The following NUMB variants were observed in gnomAD, a reference collection of about 807,000 sequenced individuals.
NUMB encodes the protein NUMB endocytic adaptor protein.
A neutral mutation model predicts 59.7 loss-of-function variants in NUMB; 29 were observed. The observed-to-expected ratio is 0.49, with a 90% CI of 0.36 to 0.66. The LOEUF (loss-of-function observed/expected upper bound fraction) is 0.66. Ranked by LOEUF, NUMB falls within the 30% of genes least tolerant of loss-of-function variation. NUMB has a pLI of 0.00. For synonymous variants in NUMB, 288 were observed against 288.2 expected, an observed-to-expected ratio of 1.00 and a Z score of 0.01; for missense variants, 723 against 822.0, an observed-to-expected ratio of 0.88 and a Z score of 1.47.
intron 3 of NUMB, among the ~76,000 whole-genome samples, chr14:73,364,272 T>G (rs1894229363): frequency 6.6e-6 from 1 of 151,936 alleles, no homozygotes; most frequent in Admixed American, 6.6e-5. Context: ...GGCGGATAAC[T>G]TGAGGCGGAT....
chr14:73,391,683 C>G (rs1009368143), intron 2 of NUMB, among the ~76,000 whole-genome samples: 13 of 152,038 alleles, frequency 8.6e-5, no homozygotes, highest in Non-Finnish European at 1.8e-4. Context: ...GGATGAGGCC[C>G]CAGCATTTGC....
intron 2 of NUMB, among the ~76,000 whole-genome samples, chr14:73,387,038 GC>G (rs1372131450): frequency 3.2e-4 from 48 of 150,796 alleles, no homozygotes; most frequent in African/African-American, 1.0e-3. Context: ...CCGCCACTAC[GC>G]CCGGCTAATT....
chr14:73,391,732 T>C (rs996181115), intron 2 of NUMB, among the ~76,000 whole-genome samples: 3 of 152,224 alleles, frequency 2.0e-5, no homozygotes, highest in Admixed American at 6.5e-5. Context: ...ATTTGAGAAC[T>C]ATTTATATAG....
chr14:73,350,173 CT>C (rs552677993), intron 4 of NUMB, among the ~76,000 whole-genome samples: 182 of 121,722 alleles, frequency 1.5e-3, no homozygotes, highest in Non-Finnish European at 1.7e-3. Flanking sequence ...AACTAGGTGT[CT>C]TTTTTTTTTT....
chr14:73,315,278 A>G (rs1195070641), intron 6 of NUMB, among the ~76,000 whole-genome samples: 1 of 152,192 alleles, frequency 6.6e-6, no homozygotes, highest in African/African-American at 2.4e-5. Context: ...AAATTGTAGG[A>G]TTTTGTTAAT....
At chr14:73,368,044 T>TA (rs144972247) in intron 2 of NUMB, among the ~76,000 whole-genome samples, 6,705 of 146,294 alleles carry the variant, frequency 0.046, 173 homozygotes, top group Non-Finnish European at 0.066. Context: ...GCAAAGTGTT[T>TA]AAAAAAAAAA....
chr14:73,290,829 T>C (rs1377554679), intron 8 of NUMB, among the ~76,000 whole-genome samples: 1 of 152,150 alleles, frequency 6.6e-6, no homozygotes, highest in African/African-American at 2.4e-5. Flanking sequence ...CTCCAATGAG[T>C]ATTTCTGTTG....
Position 73,308,146 on chromosome 14 carries a change from A to C in NUMB, c.234+8244T>G, listed in dbSNP as rs536148535. Among the ~76,000 whole-genome samples, 4 of 152,312 alleles carry C rather than the reference A, an allele frequency of 2.6e-5. No homozygotes were observed. In the South Asian group the frequency reaches 8.3e-4, roughly 32 times the overall value. ...TAGTAGGATGCTACTGCAATGGTTCAGATAAGAGGAGATGCTGGCTTGGAC... is the reference window on the plus strand; with the variant it reads ...TAGTAGGATGCTACTGCAATGGTTCCGATAAGAGGAGATGCTGGCTTGGAC... On this transcript the variant is annotated intron_variant, in intron 6 of 12. Coordinates refer to ENST00000555238, the MANE Select transcript of NUMB (RefSeq NM_001005743.2).
At chr14:73,341,937 T>C (rs186240404) in intron 4 of NUMB, among the ~76,000 whole-genome samples, 1 of 152,066 alleles carries the variant, frequency 6.6e-6, no homozygotes, top group Non-Finnish European at 1.5e-5. Context: ...CCTTACAACA[T>C]CATGTAACAG....
In NUMB at chr14:73,320,125, C is replaced by T. The variant is rs1484663770; in HGVS notation, c.201+3005G>A. On this transcript the variant is annotated intron_variant, in intron 5 of 12. Transcript: ENST00000555238. The stretch of plus-strand genomic sequence containing the variant: ...CCAACCTGGGTGACAGAGCAAGACT[C>T]CGACTCGGCGGGGGGGCAAAAAAAG... Among the ~76,000 whole-genome samples the T allele has an allele frequency of 2.1e-5, 3 of 146,090 alleles. No individual in the cohort carries two copies. In the South Asian group the frequency reaches 6.6e-4, roughly 32 times the overall value.
intron 12 of NUMB, among the ~76,000 whole-genome samples, chr14:73,278,633 A>T (rs573468804): frequency 1.8e-3 from 2 of 1,108 alleles, no homozygotes; most frequent in South Asian, 0.025. Context: ...TAGGCCTCCT[A>T]TTGTAGGAGC....
chr14:73,397,827 T>C (rs931729188), intron 2 of NUMB, among the ~76,000 whole-genome samples: 15 of 152,136 alleles, frequency 9.9e-5, no homozygotes, highest in Admixed American at 9.2e-4. Context: ...AGTTGGAAGT[T>C]TTGCACCCCC....
At chr14:73,392,723 T>G (rs979152940) in intron 2 of NUMB, among the ~76,000 whole-genome samples, 1 of 152,214 alleles carries the variant, frequency 6.6e-6, no homozygotes, top group Non-Finnish European at 1.5e-5. Flanking sequence ...CATTCACTGA[T>G]TCTCTATTAT....
chr14:73,305,303 C>T (rs1890368080), intron 6 of NUMB, among the ~76,000 whole-genome samples: 1 of 152,078 alleles, frequency 6.6e-6, no homozygotes, highest in Admixed American at 6.6e-5. Context: ...ACATCTGATA[C>T]AATCACAATC....
intron 6 of NUMB, among the ~76,000 whole-genome samples, chr14:73,303,452 C>T (rs1477174466): frequency 2.0e-5 from 3 of 151,978 alleles, no homozygotes; most frequent in Admixed American, 1.3e-4. Context: ...TGGTGACATG[C>T]GCCTGTAGTC....
chr14:73,347,905 C>G (rs1405188198), intron 4 of NUMB, among the ~76,000 whole-genome samples: 1 of 152,210 alleles, frequency 6.6e-6, no homozygotes, highest in Admixed American at 6.5e-5. Flanking sequence ...GATTTGGCAT[C>G]TGTAAATTTA....
At chr14:73,339,205 C>CATTTCATTTCAGAT (rs1478648072) in intron 4 of NUMB, among the ~76,000 whole-genome samples, 1 of 152,140 alleles carries the variant, frequency 6.6e-6, no homozygotes, top group Non-Finnish European at 1.5e-5. Flanking sequence ...ACTATGTATG[C>CATTTCATTTCAGAT]ATTTCATTTC....
At position 73,371,205 on chromosome 14, in the gene NUMB, C is replaced by G. The variant is rs185721739; in HGVS notation, c.-100-4224G>C. 2.6e-5 allele frequency among the ~76,000 whole-genome samples: 4 copies of G among 152,096 alleles called. No homozygotes were observed. In the East Asian group the frequency reaches 7.7e-4, roughly 29 times the overall value. On this transcript the variant is annotated intron_variant, in intron 2 of 12. Transcript: ENST00000555238. ...GAACAAGAATATTTGCTTAGATAACCATAATATAGCTAAGCAAATCAGTAC... is the reference window on the plus strand; with the variant it reads ...GAACAAGAATATTTGCTTAGATAACGATAATATAGCTAAGCAAATCAGTAC...
chr14:73,328,615 G>A (rs760860312), intron 4 of NUMB, among the ~76,000 whole-genome samples: 3 of 152,068 alleles, frequency 2.0e-5, no homozygotes, highest in Non-Finnish European at 4.4e-5. Flanking sequence ...GGTACATAGT[G>A]GTATCTCTTG....
Sources: allele counts gnomAD v4.1 joint callset (sites outside exome capture counted in the v4.1 genomes callset), GRCh38; gene constraint gnomAD v4.1.1; transcripts MANE v1.5; gene names NCBI Gene and HGNC (gene_info 2026-07-23, HGNC 2026-07-21).